CADM2: variants seen among roughly 807,000 people sequenced by gnomAD.
The protein encoded by CADM2 is cell adhesion molecule 2.
A neutral mutation model predicts 49.8 loss-of-function variants in CADM2; 12 were observed. The observed-to-expected ratio is 0.24, with a 90% CI of 0.15 to 0.39. CADM2 has a LOEUF of 0.39. Among genes scored for constraint, CADM2 ranks in the 10% least tolerant of loss-of-function variants. The pLI is 1.00. For missense variants in CADM2, 378 were observed against 492.3 expected, an observed-to-expected ratio of 0.77 and a Z score of 2.20; for synonymous variants, 214 against 175.4, an observed-to-expected ratio of 1.22 and a Z score of -1.74.
intron 1 of CADM2, among the ~76,000 whole-genome samples, chr3:85,279,176 C>T (rs2043436050): frequency 6.6e-6 from 1 of 151,444 alleles, no homozygotes; most frequent in Non-Finnish European, 1.5e-5. Flanking sequence ...GTATTAATCT[C>T]TGCCACAGAG....
chr3:85,361,736 C>T (rs554594301), intron 1 of CADM2, among the ~76,000 whole-genome samples: 53 of 152,156 alleles, frequency 3.5e-4, no homozygotes, highest in Admixed American at 1.1e-3. Context: ...GGGAGAAAAT[C>T]GAGACCAGTC....
At chr3:84,962,310 A>G (rs2030615813) in intron 1 of CADM2, among the ~76,000 whole-genome samples, 1 of 151,800 alleles carries the variant, frequency 6.6e-6, no homozygotes, top group Admixed American at 6.6e-5. Flanking sequence ...AGGGGGCACA[A>G]AGCACCACTG....
chr3:85,356,367 T>C (rs1200838550), intron 1 of CADM2, among the ~76,000 whole-genome samples: 1 of 152,084 alleles, frequency 6.6e-6, no homozygotes, highest in Non-Finnish European at 1.5e-5. Flanking sequence ...GAGATGGAGC[T>C]GAACACCTCT....
At chr3:85,934,232 C>T (rs540512157) in intron 6 of CADM2, among the ~76,000 whole-genome samples, 2 of 152,098 alleles carry the variant, frequency 1.3e-5, no homozygotes, top group Admixed American at 6.6e-5. Context: ...GACCATAGGC[C>T]TCAGTTTGAC....
intron 8 of CADM2, among the ~76,000 whole-genome samples, chr3:86,062,664 A>G (rs1408133653): frequency 2.0e-5 from 3 of 151,924 alleles, no homozygotes; most frequent in African/African-American, 7.3e-5. Flanking sequence ...GTAGCGGGGC[A>G]CCTGTAATCC....
chr3:85,390,157 G>A (rs897724049), intron 1 of CADM2, among the ~76,000 whole-genome samples: 1 of 151,878 alleles, frequency 6.6e-6, no homozygotes, highest in Non-Finnish European at 1.5e-5. Context: ...AATTTCTAAT[G>A]GGAGACCTCA....
chr3:85,664,844 C>A (rs1164105476), intron 1 of CADM2, among the ~76,000 whole-genome samples: 2 of 151,984 alleles, frequency 1.3e-5, no homozygotes, highest in South Asian at 4.1e-4. Flanking sequence ...ATGGCAGTCA[C>A]CCCTGCCCCC....
chr3:85,902,909 A>G (rs964681627), intron 5 of CADM2, among the ~76,000 whole-genome samples: 10 of 151,842 alleles, frequency 6.6e-5, no homozygotes, highest in Non-Finnish European at 1.2e-4. Flanking sequence ...ACACAACAAT[A>G]CATGATTACA....
At chr3:85,540,376 A>G (rs753957532) in intron 1 of CADM2, among the ~76,000 whole-genome samples, 6 of 152,176 alleles carry the variant, frequency 3.9e-5, no homozygotes, top group Non-Finnish European at 8.8e-5. Flanking sequence ...AAATGTCAGT[A>G]GATAAACATA....
At chr3:85,127,548 A>C (rs77918922) in intron 1 of CADM2, among the ~76,000 whole-genome samples, 3,676 of 152,308 alleles carry the variant, frequency 0.024, 72 homozygotes, top group Non-Finnish European at 0.034. Context: ...ACTTTTTTAA[A>C]GTCGTGAATT....
intron 1 of CADM2, among the ~76,000 whole-genome samples, chr3:85,131,602 T>TA (rs2107610271): frequency 6.6e-6 from 1 of 152,320 alleles, no homozygotes; most frequent in Admixed American, 6.5e-5. Flanking sequence ...GGGCCCATGT[T>TA]AGTCATCTTA....
chr3:86,017,154 G>A (rs1383356883), intron 8 of CADM2, among the ~76,000 whole-genome samples: 2 of 103,900 alleles, frequency 1.9e-5, no homozygotes, highest in East Asian at 2.5e-4. Flanking sequence ...GTATATATAT[G>A]TGTGTGTGTG....
intron 2 of CADM2, among the ~76,000 whole-genome samples, chr3:85,757,945 C>A (rs566984271): frequency 6.6e-6 from 1 of 152,060 alleles, no homozygotes; most frequent in Non-Finnish European, 1.5e-5. Context: ...TTATAGATTT[C>A]GCCAGGGTGT....
intron 1 of CADM2, among the ~76,000 whole-genome samples, chr3:85,657,729 G>GATATATATATACAGAT (rs2065250618): frequency 1.0e-5 from 1 of 99,602 alleles, no homozygotes; most frequent in Non-Finnish European, 2.1e-5. Flanking sequence ...TATATATACA[G>GATATATATATACAGAT]ATATATATAT....
chr3:85,808,949 C>A (rs142695527), intron 3 of CADM2, among the ~76,000 whole-genome samples: 10 of 152,218 alleles, frequency 6.6e-5, no homozygotes, highest in African/African-American at 2.4e-4. Context: ...TGGCTCTATG[C>A]CAATCCATGC....
chr3:85,622,063 A>G (rs2063994424), intron 1 of CADM2, among the ~76,000 whole-genome samples: 1 of 152,220 alleles, frequency 6.6e-6, no homozygotes, highest in Non-Finnish European at 1.5e-5. Context: ...TTAAAAATGC[A>G]AACAATTGCT....
At position 85,383,506 on chromosome 3, in the gene CADM2, A is replaced by ATATATATG. The variant is rs1202204124; in HGVS notation, c.62-343009_62-343008insGTATATAT. On this transcript the variant is annotated intron_variant, in intron 1 of 9. Transcript: ENST00000383699. ...TATAATACTTTATACATAAAACCATATATATATATGTATATATATATATAT... is the reference window on the plus strand; with the variant it reads ...TATAATACTTTATACATAAAACCATATATATATGTATATATATGTATATATATATATAT... Among the ~76,000 whole-genome samples the ATATATATG allele has an allele frequency of 1.5e-4, 3 of 19,628 alleles. No homozygotes were observed. In the East Asian group the frequency reaches 0.01, roughly 65 times the overall value. The allele number at this position is 19,628 out of a possible 152,430, so 12.9% of individuals were successfully genotyped here. A position where few individuals can be genotyped will look rare whatever the true frequency, so the allele number is the denominator to read the frequency against.
chr3:85,451,631 A>G (rs2107568817), intron 1 of CADM2, among the ~76,000 whole-genome samples: 1 of 152,244 alleles, frequency 6.6e-6, no homozygotes, highest in South Asian at 2.1e-4. Context: ...TGTCTAACAC[A>G]GACATTCACA....
intron 1 of CADM2, among the ~76,000 whole-genome samples, chr3:85,690,214 G>A (rs1049746372): frequency 6.6e-6 from 1 of 152,128 alleles, no homozygotes; most frequent in Non-Finnish European, 1.5e-5. Context: ...CCTGCATGGG[G>A]GATTCAGATC....
Sources: gnomAD v4.1 joint callset for allele counts (sites outside exome capture counted in the v4.1 genomes callset) on GRCh38, gnomAD v4.1.1 for gene constraint, MANE v1.5 for transcripts, NCBI Gene and HGNC (gene_info 2026-07-23, HGNC 2026-07-21) for gene names.